Variants in COLEC12 observed in about 807,000 individuals in gnomAD.
The protein encoded by COLEC12 is collectin subfamily member 12.
COLEC12 carries 33 observed loss-of-function variants against 71.1 expected under a neutral mutation model. The ratio of observed to expected loss-of-function variants is 0.46; its 90% CI spans 0.35 to 0.62. The LOEUF (loss-of-function observed/expected upper bound fraction) is 0.62. Among genes scored for constraint, COLEC12 ranks in the 20% least tolerant of loss-of-function variants. COLEC12 has a pLI of 0.00. For synonymous variants in COLEC12, 350 were observed against 353.0 expected, an observed-to-expected ratio of 0.99 and a Z score of 0.10; for missense variants, 765 against 916.1, an observed-to-expected ratio of 0.84 and a Z score of 2.13.
At position 318,987 on chromosome 18, in the gene COLEC12, G is replaced by C. The variant is rs1220579575; in HGVS notation, c.*1058C>G. 3 of 152,078 alleles carry C rather than the reference G, an allele frequency of 2.0e-5. No homozygotes were observed. The highest frequency in any genetic ancestry group is 1.5e-5 in the Non-Finnish European group (1 of 68,034). The allele number at this position is 152,078 out of a possible 1,614,324, so 9.4% of individuals were successfully genotyped here. Reference sequence around the variant, plus strand: ...ACGCCATACGTTCCTGACAGTTAATGTTGGCTCTGTAGGGATCTGATGCCA... The same window carrying C: ...ACGCCATACGTTCCTGACAGTTAATCTTGGCTCTGTAGGGATCTGATGCCA... On this transcript the variant is annotated 3_prime_UTR_variant, in exon 10 of 10. Coordinates refer to ENST00000400256, the MANE Select transcript of COLEC12 (RefSeq NM_130386.3).
At chr18:490,798 T>C (rs1164639422) in intron 1 of COLEC12, among the ~76,000 whole-genome samples, 1 of 152,176 alleles carries the variant, frequency 6.6e-6, no homozygotes, top group East Asian at 1.9e-4. Context: ...TTCCAACAAA[T>C]GCCAAACCAA....
chr18:493,438 T>C (rs555226562), intron 1 of COLEC12, among the ~76,000 whole-genome samples: 1 of 152,360 alleles, frequency 6.6e-6, no homozygotes, highest in African/African-American at 2.4e-5. Flanking sequence ...TAATTCAAGA[T>C]ATGAAATATA....
At chr18:344,052 T>C (rs1489865455) in intron 5 of COLEC12, among the ~76,000 whole-genome samples, 1 of 152,238 alleles carries the variant, frequency 6.6e-6, no homozygotes, top group East Asian at 1.9e-4. Context: ...ACAATTAAAT[T>C]AATGAAATAA....
chr18:421,372 G>A (rs1002689016), intron 2 of COLEC12, among the ~76,000 whole-genome samples: 2 of 152,024 alleles, frequency 1.3e-5, no homozygotes, highest in African/African-American at 4.8e-5. Flanking sequence ...TTCCCGACAC[G>A]GTGCTTTTAT....
At chr18:321,900 G>T in intron 8 of COLEC12, 93 bp from the exon 9 acceptor site, 1 of 1,209,254 alleles carries the variant, frequency 8.3e-7, no homozygotes. Flanking sequence ...AAACAAAATT[G>T]AAGCATGTCA....
In COLEC12 at chr18:346,750, T is replaced by C. The variant is rs769774733; in HGVS notation, c.872A>G (p.Asn291Ser). The C allele has an allele frequency of 8.1e-6, 13 of 1,614,106 alleles. No homozygotes were observed. In the East Asian group the frequency reaches 2.0e-4, roughly 25 times the overall value. ...DTLEDMNSQL[N>S]SFTGQMENIT... ...GTTCTCCATCTGACCTGTGAATGAG[T>C]TGAGCTGGCTGTTCATATCCTCCAG... The change falls in exon 5 of 10, where the codon AAC (asparagine) becomes AGC (serine). Residue 291 changes from asparagine (N) to serine (S), a missense_variant. Transcript: ENST00000400256. This position sits in a 1 kb window ranked among gnomAD's most constrained non-coding sequence, Gnocchi z 4.0.
chr18:465,913 A>G (rs1403384884), intron 2 of COLEC12, among the ~76,000 whole-genome samples: 2 of 152,048 alleles, frequency 1.3e-5, no homozygotes, highest in African/African-American at 4.8e-5. Flanking sequence ...TCTCTACCAA[A>G]AAATATAAAC....
chr18:394,537 G>A (rs1915527968), intron 2 of COLEC12, among the ~76,000 whole-genome samples: 1 of 152,224 alleles, frequency 6.6e-6, no homozygotes, highest in African/African-American at 2.4e-5. Flanking sequence ...AGACATTGCA[G>A]AGCAACATTC....
chr18:352,608 G>C (rs1914548792), intron 3 of COLEC12, among the ~76,000 whole-genome samples: 4 of 152,178 alleles, frequency 2.6e-5, no homozygotes, highest in African/African-American at 9.7e-5. Context: ...ACATGCACTG[G>C]GGGGTGTGTG....
intron 8 of COLEC12, among the ~76,000 whole-genome samples, chr18:323,287 G>T (rs1475274470): frequency 6.6e-6 from 1 of 152,158 alleles, no homozygotes; most frequent in Admixed American, 6.5e-5. Context: ...TGATGAAAGA[G>T]AATTCAGAGG....
chr18:451,848 A>C (rs1164553814), intron 2 of COLEC12, among the ~76,000 whole-genome samples: 3 of 152,256 alleles, frequency 2.0e-5, no homozygotes, highest in Non-Finnish European at 4.4e-5. Context: ...GTAGAAAAGA[A>C]AAGACCATTT....
At chr18:452,171 CACAT>C (rs1244510191) in intron 2 of COLEC12, among the ~76,000 whole-genome samples, 1 of 152,160 alleles carries the variant, frequency 6.6e-6, no homozygotes, top group East Asian at 1.9e-4. Context: ...AATGATCACT[CACAT>C]ACACCGTGTT....
At chr18:434,268 T>C (rs551615612) in intron 2 of COLEC12, among the ~76,000 whole-genome samples, 5 of 152,366 alleles carry the variant, frequency 3.3e-5, no homozygotes, top group African/African-American at 1.2e-4. Context: ...TAAGTGCATA[T>C]GCCAACAATT....
intron 8 of COLEC12, among the ~76,000 whole-genome samples, chr18:330,873 G>GTTTTTTT (rs60146586): frequency 1.6e-4 from 21 of 133,766 alleles, no homozygotes; most frequent in East Asian, 2.2e-4. Flanking sequence ...CACATTTGTA[G>GTTTTTTT]TTTTTTTTTT....
intron 2 of COLEC12, among the ~76,000 whole-genome samples, chr18:377,653 A>C (rs577411248): frequency 1.3e-5 from 2 of 152,332 alleles, no homozygotes; most frequent in South Asian, 4.1e-4. Flanking sequence ...ACCCTGCTGC[A>C]CTGGAGGGAA....
At chr18:389,706 T>C (rs1323516455) in intron 2 of COLEC12, among the ~76,000 whole-genome samples, 3 of 152,136 alleles carry the variant, frequency 2.0e-5, no homozygotes, top group Non-Finnish European at 4.4e-5. Flanking sequence ...ACAAATAAGG[T>C]CATCCCCGGA....
chr18:404,972 TGGGAAA>T (rs1915757663), intron 2 of COLEC12, among the ~76,000 whole-genome samples: 1 of 152,108 alleles, frequency 6.6e-6, no homozygotes, highest in African/African-American at 2.4e-5. Context: ...ATTAATACCC[TGGGAAA>T]GGAATGCATT....
chr18:460,807 T>C (rs1916968691), intron 2 of COLEC12, among the ~76,000 whole-genome samples: 1 of 151,654 alleles, frequency 6.6e-6, no homozygotes, highest in South Asian at 2.1e-4. Context: ...GTCACTCTCC[T>C]GGGTTATACA....
intron 2 of COLEC12, among the ~76,000 whole-genome samples, chr18:468,189 T>G (rs374407050): frequency 4.5e-4 from 67 of 148,046 alleles, no homozygotes; most frequent in African/African-American, 1.0e-3. Flanking sequence ...TTAAACCCGG[T>G]AGGCGGAGGT....
Sources: allele counts gnomAD v4.1 joint callset (sites outside exome capture counted in the v4.1 genomes callset), GRCh38; gene constraint gnomAD v4.1.1; non-coding constraint Gnocchi (gnomAD v3.1); transcripts MANE v1.5; gene names NCBI Gene and HGNC (gene_info 2026-07-23, HGNC 2026-07-21).